DYDC2: variants seen among roughly 807,000 people sequenced by gnomAD.
The protein encoded by DYDC2 is DPY30 domain containing 2.
In DYDC2, 19 loss-of-function variants were observed where a neutral mutation model predicts 18.7. The observed-to-expected ratio is 1.02, with a 90% CI of 0.71 to 1.49. The LOEUF (loss-of-function observed/expected upper bound fraction) is 1.49, where lower values mean the gene tolerates loss of function less well. Ranked by LOEUF, DYDC2 falls within the 40% of genes most tolerant of loss-of-function variation. DYDC2 has a pLI of 0.00. For missense variants in DYDC2, 179 were observed against 205.1 expected (o/e 0.87, Z 0.78); for synonymous variants, 63 against 67.6 (o/e 0.93, Z 0.34).
In DYDC2 at chr10:80,357,912, G is replaced by A. The variant is rs372820421; in HGVS notation, c.-143G>A. 1.2e-4 allele frequency: 118 copies of A among 985,210 alleles called. 1 individual carries two copies. The South Asian group carries it at 4.5e-3, about 38-fold the overall frequency. 61.0% of individuals were successfully genotyped at this position (985,210 alleles called of 1,614,324 possible). A position where few individuals can be genotyped will look rare whatever the true frequency, so the allele number is the denominator to read the frequency against. On this transcript the variant is annotated 5_prime_UTR_variant, in exon 2 of 5. It adds an upstream start codon to the 5' untranslated region. Coordinates refer to ENST00000256039, the MANE Select transcript of DYDC2 (RefSeq NM_032372.6). ...TTACAGAGCTCCCAGTGTGCCAAGC[G>A]TGGGCGGTATACAGTAAACAAAGAC...
At chr10:80,356,448 G>C, upstream of DYDC2, 1 of 985,352 alleles carries the variant, frequency 1.0e-6, no homozygotes. Flanking sequence ...GCAACCTCCC[G>C]GGGCGCTCAG....
upstream of DYDC2, chr10:80,354,377 T>C (rs1392407786): frequency 6.6e-6 from 1 of 150,738 alleles, no homozygotes; most frequent in African/African-American, 2.4e-5. Context: ...TCCCAGCTAC[T>C]TGGAAGGCTG....
intron 4 of DYDC2, 32 bp from the exon 5 acceptor site, chr10:80,366,656 A>G: frequency 6.4e-7 from 1 of 1,569,656 alleles, no homozygotes; most frequent in Non-Finnish European, 8.6e-7. Context: ...GTCTCTAATA[A>G]TAAGTTTTCG....
At chr10:80,366,268 T>TA in intron 4 of DYDC2, among the ~76,000 whole-genome samples, 1 of 152,150 alleles carries the variant, frequency 6.6e-6, no homozygotes, top group South Asian at 2.1e-4. Context: ...CCTGACCTCA[T>TA]GACCCACCCA....
intron 1 of DYDC2, among the ~76,000 whole-genome samples, chr10:80,349,187 G>C (rs1163399353): frequency 6.6e-6 from 1 of 152,146 alleles, no homozygotes; most frequent in African/African-American, 2.4e-5. Context: ...CACCGCGCCC[G>C]GCCCGCAGAT....
chr10:80,349,640 T>C (rs541449712), intron 1 of DYDC2, among the ~76,000 whole-genome samples: 138 of 152,332 alleles, frequency 9.1e-4, no homozygotes, highest in African/African-American at 3.1e-3. Context: ...CAATCAACTT[T>C]CAGACATTGG....
At chr10:80,356,653 C>G, upstream of DYDC2, 1 of 984,548 alleles carries the variant, frequency 1.0e-6, no homozygotes, top group Non-Finnish European at 1.2e-6. Flanking sequence ...GCCCGCCGGA[C>G]CCAGCGAAGC....
upstream of DYDC2, chr10:80,352,503 T>C: frequency 1.2e-6 from 2 of 1,613,406 alleles, no homozygotes; most frequent in Non-Finnish European, 1.7e-6. Context: ...TCCACAATGC[T>C]AAATATTCTA....
chr10:80,360,089 T>G (rs1180196308), intron 2 of DYDC2, among the ~76,000 whole-genome samples: 1 of 152,182 alleles, frequency 6.6e-6, no homozygotes, highest in Non-Finnish European at 1.5e-5. Flanking sequence ...TAGCTTTGAG[T>G]AAGAGGGGTG....
chr10:80,352,039 AGCG>A (rs1433332365), upstream of DYDC2: 2 of 1,595,926 alleles, frequency 1.3e-6, 1 homozygote, highest in African/African-American at 2.7e-5. Context: ...ACGACTTCTT[AGCG>A]AGAAAGCAAT....
chr10:80,360,516 G>A (rs1017751010), intron 2 of DYDC2, among the ~76,000 whole-genome samples: 4 of 152,096 alleles, frequency 2.6e-5, no homozygotes, highest in Non-Finnish European at 5.9e-5. Context: ...TTTAATCACA[G>A]TTACAAAGTC....
At chr10:80,346,670 T>C (rs909088400) in intron 1 of DYDC2, among the ~76,000 whole-genome samples, 10 of 150,746 alleles carry the variant, frequency 6.6e-5, no homozygotes, top group South Asian at 2.1e-4. Flanking sequence ...CCATGTTAGC[T>C]AGGATGGTCT....
upstream of DYDC2, chr10:80,352,087 C>A (rs553434855): frequency 9.5e-6 from 12 of 1,260,604 alleles, no homozygotes; most frequent in Non-Finnish European, 1.4e-5. Context: ...TTAATAGGAA[C>A]AATTAGGGAA....
chr10:80,362,684 G>A, intron 3 of DYDC2, 94 bp downstream of exon 3: 1 of 1,499,684 alleles, frequency 6.7e-7, no homozygotes, highest in Non-Finnish European at 8.9e-7. Flanking sequence ...CTGGCCTGGG[G>A]AATTTCTTGG....
chr10:80,355,897 A>C (rs1843337367), upstream of DYDC2, among the ~76,000 whole-genome samples: 1 of 152,118 alleles, frequency 6.6e-6, no homozygotes, highest in Non-Finnish European at 1.5e-5. Flanking sequence ...TGACTTTGGA[A>C]CACAGTATCT....
chr10:80,364,044 A>G (rs932062625), intron 4 of DYDC2, among the ~76,000 whole-genome samples: 2 of 152,188 alleles, frequency 1.3e-5, no homozygotes, highest in African/African-American at 4.8e-5. Flanking sequence ...CTCAATTGCA[A>G]TGTTGGGTTT....
upstream of DYDC2, among the ~76,000 whole-genome samples, chr10:80,355,694 G>C (rs1843322761): frequency 6.6e-6 from 1 of 152,106 alleles, no homozygotes; most frequent in African/African-American, 2.4e-5. Flanking sequence ...AAGAAAACGA[G>C]GTGCTGAAAT....
intron 4 of DYDC2, 67 bp downstream of exon 4, chr10:80,363,140 A>G (rs1843714614): frequency 2.6e-6 from 4 of 1,547,974 alleles, no homozygotes; most frequent in Non-Finnish European, 3.5e-6. Flanking sequence ...GAAAGCCACA[A>G]GTCAGCCCAG....
intron 2 of DYDC2, among the ~76,000 whole-genome samples, chr10:80,358,485 G>C (rs565139106): frequency 1.2e-4 from 19 of 152,306 alleles, no homozygotes; most frequent in African/African-American, 4.6e-4. Flanking sequence ...CGACTGTTGG[G>C]CAAACACATT....
Sources: gnomAD v4.1 joint callset for allele counts (sites outside exome capture counted in the v4.1 genomes callset) on GRCh38, gnomAD v4.1.1 for gene constraint, MANE v1.5 for transcripts, NCBI Gene and HGNC (gene_info 2026-07-23, HGNC 2026-07-21) for gene names.